ASIC2: variants seen among roughly 807,000 people sequenced by gnomAD.
ASIC2 encodes the protein acid sensing ion channel subunit 2.
ASIC2 carries 25 observed loss-of-function variants against 57.3 expected under a neutral mutation model. The observed-to-expected ratio is 0.44, with a 90% CI of 0.32 to 0.61. ASIC2 has a LOEUF of 0.61. ASIC2 is among the 20% of genes least tolerant of loss of function. The pLI, the probability that ASIC2 is intolerant of heterozygous loss-of-function variation, is 0.06. For missense variants in ASIC2, 641 were observed against 738.1 expected (o/e 0.87, Z 1.52); for synonymous variants, 319 against 307.5 (o/e 1.04, Z -0.39).
intron 1 of ASIC2, among the ~76,000 whole-genome samples, chr17:33,579,300 A>AAAT (rs745966926): frequency 0.033 from 5,025 of 151,062 alleles, 123 homozygotes; most frequent in Middle Eastern, 0.061. Flanking sequence ...AAAAAAAAAA[A>AAAT]AAAATGCAGG....
At chr17:33,468,698 A>G (rs1875872) in intron 1 of ASIC2, among the ~76,000 whole-genome samples, 53,345 of 150,768 alleles carry the variant, frequency 0.35, 9,664 homozygotes, top group Middle Eastern at 0.48. Context: ...CCACACACAT[A>G]CATACTTCTC....
chr17:33,040,806 A>T (rs2091926713), intron 3 of ASIC2, among the ~76,000 whole-genome samples: 2 of 152,188 alleles, frequency 1.3e-5, no homozygotes, highest in South Asian at 4.2e-4. Context: ...ATCATTGACA[A>T]GATAGTGCTC....
Position 33,291,515 on chromosome 17 carries a change from C to G in ASIC2, c.601G>C (p.Glu201Gln), listed in dbSNP as rs1905446032. ...TCCATGAAGGCGGCGCTGATTCCCTCGAAGTGGCGCGGAGGCAGGAAGAGG... is the reference window on the plus strand; with the variant it reads ...TCCATGAAGGCGGCGCTGATTCCCTGGAAGTGGCGCGGAGGCAGGAAGAGG... ...FRLFLPPRHF[E>Q]GISAAFMDRL... is the part of the protein sequence containing the mutation. Residue 201 changes from glutamate to glutamine, a missense_variant, in exon 1 of 10, where the codon GAG (glutamate) becomes CAG (glutamine). Physicochemically the swap from Glu to Gln is conservative, Grantham distance 29. Coordinates refer to ENST00000225823, the MANE Select transcript of ASIC2 (RefSeq NM_183377.2). The G allele has an allele frequency of 1.9e-6, 3 of 1,612,686 alleles. No individual in the cohort carries two copies. The highest frequency in any genetic ancestry group is 2.5e-6 in the Non-Finnish European group (3 of 1,179,786).
chr17:33,116,352 A>G (rs2092280958), intron 1 of ASIC2, among the ~76,000 whole-genome samples: 1 of 152,204 alleles, frequency 6.6e-6, no homozygotes, highest in Non-Finnish European at 1.5e-5. Context: ...GGGCACCATG[A>G]CGTGTAAGAA....
intron 1 of ASIC2, among the ~76,000 whole-genome samples, chr17:33,132,341 A>G (rs1348908359): frequency 6.6e-6 from 1 of 152,132 alleles, no homozygotes; most frequent in Non-Finnish European, 1.5e-5. Context: ...CATCTTACAA[A>G]GGCTGTCATG....
At chr17:33,174,185 G>A (rs1597615745) in intron 1 of ASIC2, among the ~76,000 whole-genome samples, 1 of 152,266 alleles carries the variant, frequency 6.6e-6, no homozygotes. Context: ...ACTTTGCGAG[G>A]CCAAGGCGAG....
chr17:33,122,481 CTCATGGT>C (rs962359454), intron 1 of ASIC2, among the ~76,000 whole-genome samples: 1 of 152,080 alleles, frequency 6.6e-6, no homozygotes, highest in Non-Finnish European at 1.5e-5. Flanking sequence ...GATTTCTGGG[CTCATGGT>C]TCCTGTTAGA....
At chr17:34,099,380 AAG>A (rs1168935489) in intron 1 of ASIC2, among the ~76,000 whole-genome samples, 2 of 137,190 alleles carry the variant, frequency 1.5e-5, no homozygotes, top group African/African-American at 2.8e-5. Context: ...AGAAAGAAAA[AAG>A]AGAAAGAGGA....
chr17:33,703,272 G>A lies in ASIC2; in HGVS notation c.555+452706C>T, dbSNP rs1007632009. On this transcript the variant is annotated intron_variant, in intron 1 of 9. Coordinates refer to the ASIC2 transcript ENST00000359872. ...AGTTTGTATCATGGCCAAATATTTG[G>A]ATTTTAATTAATTAAAATAGAGACT... Among the ~76,000 whole-genome samples the A allele has an allele frequency of 1.2e-4, 18 of 151,954 alleles. 1 individual carries two copies. The highest frequency in any genetic ancestry group is 1.0e-4 in the Non-Finnish European group (7 of 67,980).
chr17:33,360,762 T>C (rs1396843168), intron 1 of ASIC2, among the ~76,000 whole-genome samples: 2 of 152,234 alleles, frequency 1.3e-5, no homozygotes, highest in East Asian at 3.8e-4. Flanking sequence ...GCCTCCCATA[T>C]AGAAGATCTA....
chr17:33,291,774 G>A lies in ASIC2; in HGVS notation c.342C>T (p.Phe114=), dbSNP rs1326212128. 6.2e-7 allele frequency: 1 copy of A among 1,613,676 alleles called. No individual in the cohort carries two copies. Among genetic ancestry groups the A allele is most frequent in the Non-Finnish European group, 8.5e-7 (1 of 1,179,908 alleles). ...CGCGGTGCACCCGCGTGTGTGACGG[G>A]AAGCTGAGCCAGTAGAGCAAGCGGT... ...SSNRLLYWLS[F]PSHTRVHREW... Residue 114 remains phenylalanine (F), a synonymous_variant, in exon 1 of 10, where the codon TTC becomes TTT. Transcript: ENST00000225823.
chr17:33,305,701 T>A (rs1288203364), intron 1 of ASIC2, among the ~76,000 whole-genome samples: 1 of 152,166 alleles, frequency 6.6e-6, no homozygotes, highest in East Asian at 1.9e-4. Flanking sequence ...ATAATCCGCG[T>A]AAGGATATAG....
chr17:33,475,623 A>G (rs1913195248), intron 1 of ASIC2, among the ~76,000 whole-genome samples: 1 of 152,220 alleles, frequency 6.6e-6, no homozygotes, highest in Non-Finnish European at 1.5e-5. Context: ...TCTTGATTTA[A>G]GAAGAGTGGC....
chr17:33,521,038 T>C (rs1050703923), intron 1 of ASIC2, among the ~76,000 whole-genome samples: 1 of 151,952 alleles, frequency 6.6e-6, no homozygotes, highest in Admixed American at 6.6e-5. Context: ...TGAATAATAA[T>C]AATTATTATT....
chr17:33,551,769 T>C (rs555898973), intron 1 of ASIC2, among the ~76,000 whole-genome samples: 10 of 152,212 alleles, frequency 6.6e-5, no homozygotes, highest in Non-Finnish European at 1.3e-4. Context: ...AAGCCAGATA[T>C]TGTCCTCACA....
At chr17:34,142,112 G>A (rs900482418) in intron 1 of ASIC2, among the ~76,000 whole-genome samples, 1 of 152,224 alleles carries the variant, frequency 6.6e-6, no homozygotes, top group Admixed American at 6.5e-5. Flanking sequence ...AACTTTAGAA[G>A]ATTCTATTAC....
intron 1 of ASIC2, among the ~76,000 whole-genome samples, chr17:33,882,916 A>G (rs1379111508): frequency 2.6e-5 from 4 of 152,230 alleles, no homozygotes; most frequent in Admixed American, 2.6e-4. Flanking sequence ...ACACCATGGA[A>G]TACTATGCAG....
intron 1 of ASIC2, among the ~76,000 whole-genome samples, chr17:33,307,454 C>A (rs2095156136): frequency 1.3e-5 from 2 of 152,036 alleles, no homozygotes; most frequent in Non-Finnish European, 2.9e-5. Context: ...GGATTATAGG[C>A]CCTCACCACC....
chr17:33,399,777 G>A (rs981870837), intron 1 of ASIC2, among the ~76,000 whole-genome samples: 3 of 152,228 alleles, frequency 2.0e-5, no homozygotes, highest in African/African-American at 7.2e-5. Context: ...CCTAAAAGGA[G>A]CGTGTGTGTG....
Sources: allele counts gnomAD v4.1 joint callset (sites outside exome capture counted in the v4.1 genomes callset), GRCh38; gene constraint gnomAD v4.1.1; transcripts MANE v1.5; gene names NCBI Gene and HGNC (gene_info 2026-07-23, HGNC 2026-07-21).